AGO3: variants seen among roughly 807,000 people sequenced by gnomAD.
AGO3 encodes the protein protein argonaute-3.
Under a neutral mutation model 105.5 loss-of-function variants are expected in AGO3, and 16 were observed. The observed-to-expected ratio is 0.15, with a 90% confidence interval of 0.10 to 0.23. The LOEUF is 0.23. AGO3 is among the 10% of genes least tolerant of loss of function. The pLI is 1.00. For missense variants in AGO3, 534 were observed against 1,088.0 expected, an observed-to-expected ratio of 0.49 and a Z score of 7.16; for synonymous variants, 340 against 367.3, an observed-to-expected ratio of 0.93 and a Z score of 0.85.
chr1:36,051,841 C>T (rs1043618497), intron 17 of AGO3, among the ~76,000 whole-genome samples: 5 of 152,150 alleles, frequency 3.3e-5, no homozygotes, highest in Non-Finnish European at 7.3e-5. Flanking sequence ...AAATGCTCAA[C>T]ATCAATAATC....
chr1:36,057,240 T>C lies in AGO3; in HGVS notation c.*1495T>C, dbSNP rs1474759537. The C allele has an allele frequency of 6.6e-6, 1 of 151,796 alleles. No individual in the cohort carries two copies. Among genetic ancestry groups the C allele is most frequent in the Non-Finnish European group, 1.5e-5 (1 of 68,018 alleles). The allele number at this position is 151,796 out of a possible 1,614,324, so 9.4% of individuals were successfully genotyped here. On this transcript the variant is annotated 3_prime_UTR_variant, in exon 19 of 19. Coordinates refer to ENST00000373191, the MANE Select transcript of AGO3 (RefSeq NM_024852.4). ...CTCTGTAGGGTTGAGACCTCTGAAA[T>C]TGAGTAGAGAGAAGAGTTTGTTGAG...
rs192041211 is a variant in AGO3, at chr1:35,986,039, A to G, written c.658+12528A>G. 1.8e-3 allele frequency among the ~76,000 whole-genome samples: 270 copies of G among 152,360 alleles called. 4 individuals carry two copies. The highest frequency in any genetic ancestry group is 3.4e-3 in the Middle Eastern group (1 of 294). ...AAATTAAAAAGCCTTATGATTTGCAAAAAGTGCAAGGTGAAAAGAAAAATC... is the reference window on the plus strand; with the variant it reads ...AAATTAAAAAGCCTTATGATTTGCAGAAAGTGCAAGGTGAAAAGAAAAATC... On this transcript the variant is annotated intron_variant, in intron 5 of 18. Transcript: ENST00000373191.
At chr1:35,962,187 T>G (rs1646688244) in intron 2 of AGO3, among the ~76,000 whole-genome samples, 1 of 152,148 alleles carries the variant, frequency 6.6e-6, no homozygotes, top group African/African-American at 2.4e-5. Flanking sequence ...TATTCCAGTG[T>G]TCAAGTATAC....
intron 5 of AGO3, among the ~76,000 whole-genome samples, chr1:35,976,018 C>T (rs1040400810): frequency 2.6e-5 from 4 of 151,632 alleles, no homozygotes; most frequent in African/African-American, 7.3e-5. Context: ...TCACAGCAAC[C>T]TCCGCCTCCC....
intron 12 of AGO3, among the ~76,000 whole-genome samples, chr1:36,033,146 A>T (rs1641857178): frequency 6.6e-6 from 1 of 151,762 alleles, no homozygotes; most frequent in African/African-American, 2.4e-5. Flanking sequence ...AAAAATAAAA[A>T]ATAAAAACAA....
intron 2 of AGO3, among the ~76,000 whole-genome samples, chr1:35,954,774 T>C (rs1382968472): frequency 1.3e-5 from 2 of 152,250 alleles, no homozygotes. Flanking sequence ...GAAAGAGTAA[T>C]GATTCCTGCC....
chr1:36,046,848 G>A (rs1642494944), intron 17 of AGO3, among the ~76,000 whole-genome samples: 1 of 152,098 alleles, frequency 6.6e-6, no homozygotes, highest in African/African-American at 2.4e-5. Context: ...TGGCACTGGG[G>A]AATTGGTGCC....
intron 5 of AGO3, among the ~76,000 whole-genome samples, chr1:35,996,714 T>C (rs1467225743): frequency 6.7e-6 from 1 of 149,542 alleles, no homozygotes; most frequent in Non-Finnish European, 1.5e-5. Flanking sequence ...GAGGTTGCAG[T>C]GAGCCAAGAT....
chr1:36,022,875 C>T (rs751685314), intron 11 of AGO3, among the ~76,000 whole-genome samples: 2 of 149,436 alleles, frequency 1.3e-5, no homozygotes, highest in East Asian at 2.0e-4. Context: ...GAGGTTTGAT[C>T]GCTCCATTGC....
At chr1:35,932,690 G>T (rs1176707265) in intron 1 of AGO3, among the ~76,000 whole-genome samples, 2 of 151,698 alleles carry the variant, frequency 1.3e-5, no homozygotes, top group African/African-American at 2.4e-5. Context: ...ATTGTGAAAA[G>T]ATTTCGACTC....
At chr1:36,003,709 A>T (rs796282914) in intron 5 of AGO3, among the ~76,000 whole-genome samples, 1,478 of 99,340 alleles carry the variant, frequency 0.015, 22 homozygotes, top group Non-Finnish European at 0.021. Flanking sequence ...AAAAAAAAAA[A>T]ATATATATAT....
At chr1:36,032,575 G>A (rs182445714) in intron 12 of AGO3, among the ~76,000 whole-genome samples, 66 of 152,148 alleles carry the variant, frequency 4.3e-4, no homozygotes, top group Non-Finnish European at 9.3e-4. Flanking sequence ...GCAGGGATGG[G>A]GTCTTGATTT....
At chr1:35,985,220 T>G (rs1411022110) in intron 5 of AGO3, among the ~76,000 whole-genome samples, 1 of 152,168 alleles carries the variant, frequency 6.6e-6, no homozygotes, top group African/African-American at 2.4e-5. Context: ...AAGTCGAGGC[T>G]GCAGTGAACT....
chr1:35,946,152 C>T (rs1646360324), intron 2 of AGO3, among the ~76,000 whole-genome samples: 1 of 152,146 alleles, frequency 6.6e-6, no homozygotes, highest in African/African-American at 2.4e-5. Context: ...ACATCATTTT[C>T]CTTGCTGTTA....
At chr1:35,970,508 A>T (rs1193791290) in intron 3 of AGO3, among the ~76,000 whole-genome samples, 1 of 152,152 alleles carries the variant, frequency 6.6e-6, no homozygotes, top group Non-Finnish European at 1.5e-5. Context: ...CCTACTAATG[A>T]TTCAAGGCTT....
rs767860976 is a variant in AGO3, at chr1:36,008,917, A to G, written c.902A>G (p.Asn301Ser). The change falls in exon 8 of 19, where the codon AAC becomes AGC. Residue 301 changes from asparagine to serine, a missense_variant. Asn to Ser is a conservative substitution (Grantham distance 46). Coordinates refer to ENST00000373191, the MANE Select transcript of AGO3 (RefSeq NM_024852.4). This position sits in a 1 kb window ranked among gnomAD's most constrained non-coding sequence, Gnocchi z 5.1. ...SHQTFPLQLE[N>S]GQTVERTVAQ... ...CTCAGCTTTCCTTTACAGTTAGAAA[A>G]CGGCCAAACTGTGGAGAGAACAGTA... The G allele has an allele frequency of 6.2e-7, 1 of 1,613,892 alleles. No individual in the cohort carries two copies. The highest frequency in any genetic ancestry group is 1.6e-4 in the Middle Eastern group (1 of 6,062).
intron 5 of AGO3, among the ~76,000 whole-genome samples, chr1:35,997,858 A>G (rs942774800): frequency 3.3e-5 from 5 of 151,998 alleles, no homozygotes; most frequent in African/African-American, 1.2e-4. Context: ...CACCACGCCC[A>G]GCTAATTTTT....
At chr1:35,971,296 A>G (rs1646866297) in intron 3 of AGO3, among the ~76,000 whole-genome samples, 1 of 150,492 alleles carries the variant, frequency 6.6e-6, no homozygotes, top group African/African-American at 2.4e-5. Context: ...AGTAGCTGGG[A>G]TTACAGGCAT....
intron 5 of AGO3, among the ~76,000 whole-genome samples, chr1:35,976,548 G>C (rs187883412): frequency 6.6e-6 from 1 of 151,984 alleles, no homozygotes; most frequent in African/African-American, 2.4e-5. Flanking sequence ...ATTAATGTGC[G>C]TCCTTTTTCT....
Sources: gnomAD v4.1 joint callset for allele counts (sites outside exome capture counted in the v4.1 genomes callset) on GRCh38, gnomAD v4.1.1 for gene constraint, Gnocchi (gnomAD v3.1) non-coding constraint, MANE v1.5 for transcripts, NCBI Gene and HGNC (gene_info 2026-07-23, HGNC 2026-07-21) for gene names.